The following ATP2C2 variants were observed in gnomAD, a reference collection of about 807,000 sequenced individuals.
The protein encoded by ATP2C2 is calcium-transporting ATPase type 2C member 2.
In ATP2C2, 171 loss-of-function variants were observed where a neutral mutation model predicts 110.8. The ratio of observed to expected loss-of-function variants is 1.54; its 90% CI spans 1.36 to 1.75. The LOEUF is 1.75. ATP2C2 is among the 40% of genes most tolerant of loss of function. The pLI is 0.00. For missense variants in ATP2C2, 1,963 were observed against 1,235.0 expected, an observed-to-expected ratio of 1.59 and a Z score of -8.84; for synonymous variants, 804 against 508.4, an observed-to-expected ratio of 1.58 and a Z score of -7.82.
At chr16:84,410,849 G>A (rs1906221227) in intron 6 of ATP2C2, 84 bp downstream of exon 6, 3 of 1,366,032 alleles carry the variant, frequency 2.2e-6, no homozygotes, top group Admixed American at 1.7e-5. Context: ...GCTGAAAGTT[G>A]TATCCTTGGT....
At position 84,391,926 on chromosome 16, in the gene ATP2C2, TA is replaced by T. The variant is rs537738526; in HGVS notation, c.100-6569del. Among the ~76,000 whole-genome samples, 401 of 150,642 alleles carry T rather than the reference TA, an allele frequency of 2.7e-3. 3 individuals are homozygous for T. Among genetic ancestry groups the T allele is most frequent in the African/African-American group, 2.3e-3 (95 of 41,260 alleles). On this transcript the variant is annotated intron_variant, in intron 1 of 26. Transcript: ENST00000262429. ...TTTCCTTCCTTCCTCTTTTTTTTTT[TA>T]AAACAAAACTAGGATTATATTACGA...
rs145839800 is a variant in ATP2C2, at chr16:84,409,639, C to T, written c.418-929C>T. 4.0e-3 allele frequency among the ~76,000 whole-genome samples: 611 copies of T among 152,164 alleles called. 1 individual carries two copies. The highest frequency in any genetic ancestry group is 6.8e-3 in the Middle Eastern group (2 of 294). On this transcript the variant is annotated intron_variant, in intron 4 of 26. Transcript: ENST00000262429. ...TTCTGAGCAGCTGGGATTACAGGTGCCCGCCACCACTCCTGGTTAATTTTT... is the reference window on the plus strand; with the variant it reads ...TTCTGAGCAGCTGGGATTACAGGTGTCCGCCACCACTCCTGGTTAATTTTT...
intron 3 of ATP2C2, among the ~76,000 whole-genome samples, chr16:84,406,871 C>G (rs1159669828): frequency 6.6e-6 from 1 of 152,150 alleles, no homozygotes; most frequent in Non-Finnish European, 1.5e-5. Flanking sequence ...TTCCTCGTTC[C>G]CCTCTGCTCT....
At chr16:84,441,710 C>G (rs1162033928) in intron 14 of ATP2C2, among the ~76,000 whole-genome samples, 2 of 152,232 alleles carry the variant, frequency 1.3e-5, no homozygotes, top group African/African-American at 4.8e-5. Flanking sequence ...CACCTGAGTT[C>G]AGGAGTTCAA....
chr16:84,387,651 A>C (rs916470776), intron 1 of ATP2C2, among the ~76,000 whole-genome samples: 14 of 152,344 alleles, frequency 9.2e-5, no homozygotes, highest in African/African-American at 2.9e-4. Flanking sequence ...TTATTCATGG[A>C]AATGCACCAG....
At chr16:84,368,974 G>T (rs1909795320) in intron 1 of ATP2C2, among the ~76,000 whole-genome samples, 1 of 152,234 alleles carries the variant, frequency 6.6e-6, no homozygotes, top group African/African-American at 2.4e-5. Context: ...TATTCCCTAA[G>T]GGGCACGGAG....
At chr16:84,461,670 T>G in intron 24 of ATP2C2, 44 bp from the exon 25 acceptor site, 1 of 1,566,308 alleles carries the variant, frequency 6.4e-7, no homozygotes, top group Non-Finnish European at 8.8e-7. Flanking sequence ...GGATGGAGGT[T>G]GTCTCTTCCC....
At chr16:84,422,167 C>T (rs201217442) in intron 7 of ATP2C2, among the ~76,000 whole-genome samples, 8 of 152,050 alleles carry the variant, frequency 5.3e-5, no homozygotes, top group Non-Finnish European at 1.0e-4. Context: ...TTTCGAACAA[C>T]ATTAAGCAAA....
chr16:84,393,530 T>C (rs1324596405), intron 1 of ATP2C2, among the ~76,000 whole-genome samples: 1 of 151,938 alleles, frequency 6.6e-6, no homozygotes, highest in Non-Finnish European at 1.5e-5. Flanking sequence ...GAGAAGTGGA[T>C]AGGAAATGAA....
chr16:84,399,652 A>C lies in ATP2C2; in HGVS notation c.210+1043A>C, dbSNP rs117476205. On this transcript the variant is annotated intron_variant, in intron 2 of 26. Coordinates refer to ENST00000262429, the MANE Select transcript of ATP2C2 (RefSeq NM_014861.4). ...TTTTTAATTTTTGTGGGTACATAGT[A>C]GGTGCATATTTATGGGTTCCAGAGA... Among the ~76,000 whole-genome samples the C allele has an allele frequency of 2.0e-4, 31 of 152,270 alleles. No individual in the cohort carries two copies. In the East Asian group the frequency reaches 5.6e-3, roughly 27 times the overall value.
chr16:84,460,370 T>G, intron 23 of ATP2C2: 23 of 480,238 alleles, frequency 4.8e-5, no homozygotes, highest in East Asian at 1.2e-4. Flanking sequence ...CTCGGGGTGA[T>G]GGAGATCATC....
chr16:84,411,223 G>A (rs1597786649), intron 6 of ATP2C2, among the ~76,000 whole-genome samples: 1 of 152,234 alleles, frequency 6.6e-6, no homozygotes, highest in Admixed American at 6.5e-5. Flanking sequence ...GTGAACTTGA[G>A]TAACTACTCA....
At chr16:84,453,668 G>A (rs1219731592) in intron 20 of ATP2C2, among the ~76,000 whole-genome samples, 3 of 152,146 alleles carry the variant, frequency 2.0e-5, no homozygotes, top group African/African-American at 4.8e-5. Flanking sequence ...TTAGCTGCAG[G>A]GGATGCTGGG....
chr16:84,456,532 G>T (rs1910802998), intron 21 of ATP2C2, among the ~76,000 whole-genome samples: 2 of 123,598 alleles, frequency 1.6e-5, no homozygotes, highest in Non-Finnish European at 1.7e-5. Context: ...TATTCAATTA[G>T]GAAAAGAGGA....
intron 6 of ATP2C2, among the ~76,000 whole-genome samples, chr16:84,412,199 C>T (rs1194223326): frequency 1.3e-5 from 2 of 152,122 alleles, no homozygotes; most frequent in African/African-American, 2.4e-5. Context: ...TTTGTATCAG[C>T]TGCTACAAAA....
chr16:84,375,717 T>C (rs1910213118), intron 1 of ATP2C2, among the ~76,000 whole-genome samples: 3 of 152,190 alleles, frequency 2.0e-5, no homozygotes, highest in Non-Finnish European at 4.4e-5. Context: ...AAACATACTT[T>C]TACAATGTGC....
At chr16:84,409,932 G>A (rs1000988850) in intron 4 of ATP2C2, among the ~76,000 whole-genome samples, 11 of 152,296 alleles carry the variant, frequency 7.2e-5, no homozygotes, top group Non-Finnish European at 1.2e-4. Context: ...GGAGTAGGCC[G>A]GGTGCGGTGG....
chr16:84,459,137 G>A lies in ATP2C2; in HGVS notation c.2165G>A (p.Gly722Asp), dbSNP rs761565176. 5 of 1,614,148 alleles carry A rather than the reference G, an allele frequency of 3.1e-6. No individual in the cohort carries two copies. The highest frequency in any genetic ancestry group is 4.2e-6 in the Non-Finnish European group (5 of 1,180,028). ...TCTTGCAGGAATGCAGTGGAGGAAG[G>A]CAAGGGTATTTTTTACAACATCAAA... ...FSAIMNAVEE[G>D]KGIFYNIKNF... Residue 722 changes from glycine to aspartate, a missense_variant, in exon 22 of 27, where the codon GGC (glycine) becomes GAC (aspartate). Physicochemically the swap from Gly to Asp is moderately conservative, Grantham distance 94 (BLOSUM62 -1). Coordinates refer to ENST00000262429, the MANE Select transcript of ATP2C2 (RefSeq NM_014861.4).
intron 6 of ATP2C2, among the ~76,000 whole-genome samples, chr16:84,413,715 G>C (rs1906589632): frequency 6.6e-6 from 1 of 152,180 alleles, no homozygotes; most frequent in African/African-American, 2.4e-5. Context: ...AGAGTTGAAA[G>C]AGCGCTGAAG....
Sources: allele counts gnomAD v4.1 joint callset (sites outside exome capture counted in the v4.1 genomes callset), GRCh38; gene constraint gnomAD v4.1.1; transcripts MANE v1.5; gene names NCBI Gene and HGNC (gene_info 2026-07-23, HGNC 2026-07-21).